Variants in PHACTR1 observed in about 807,000 individuals in gnomAD.
PHACTR1 encodes the protein phosphatase and actin regulator 1.
In PHACTR1, 16 loss-of-function variants were observed where a neutral mutation model predicts 69.2. That is an observed-to-expected ratio of 0.23 (90% CI 0.16 to 0.35). The LOEUF is 0.35. Among genes scored for constraint, PHACTR1 ranks in the 10% least tolerant of loss-of-function variants. The probability of loss-of-function intolerance (pLI) is 1.00; values close to 1 mark genes in which losing one functional copy is unlikely to be tolerated. For missense variants in PHACTR1, 510 were observed against 734.7 expected (o/e 0.69, Z 3.54); for synonymous variants, 312 against 284.5 (o/e 1.10, Z -0.97).
chr6:12,901,993 C>T lies in PHACTR1; in HGVS notation c.251-151372C>T, dbSNP rs569882248. 5.3e-4 allele frequency among the ~76,000 whole-genome samples: 80 copies of T among 152,216 alleles called. 1 individual carries two copies. In the South Asian group the frequency reaches 0.016, roughly 31 times the overall value. On this transcript the variant is annotated intron_variant, in intron 4 of 14. Coordinates refer to ENST00000332995, the MANE Select transcript of PHACTR1 (RefSeq NM_030948.6). ...TCTGGGACGTTTTTGGTTGTCATAA[C>T]TTGGGAGGGGCTGGAGAATGCTACT... is the stretch of plus-strand genomic sequence containing the variant.
chr6:12,794,939 G>A (rs762721168), intron 4 of PHACTR1, among the ~76,000 whole-genome samples: 9 of 152,090 alleles, frequency 5.9e-5, no homozygotes, highest in Non-Finnish European at 1.2e-4. Context: ...TCACTCTAGG[G>A]GGCTGTGAAG....
rs116063964 is a variant in PHACTR1 at position 13,009,029 on chromosome 6, G to A, written c.251-44336G>A. On this transcript the variant is annotated intron_variant, in intron 4 of 14. Transcript: ENST00000332995. ...TGTTCCTCCCCTTGCTCCAGCTTCT[G>A]GTGACTGTTGGCATTCCTGTGGCAG... 4.0e-3 allele frequency among the ~76,000 whole-genome samples: 614 copies of A among 152,242 alleles called. 7 individuals are homozygous for A. The highest frequency in any genetic ancestry group is 0.014 in the African/African-American group (597 of 41,540).
intron 4 of PHACTR1, among the ~76,000 whole-genome samples, chr6:12,768,338 T>C (rs910246891): frequency 1.3e-5 from 2 of 152,006 alleles, no homozygotes; most frequent in African/African-American, 4.8e-5. Context: ...ATGCTCTCAA[T>C]CTCCTGACCT....
At chr6:12,913,783 T>G (rs1786666682) in intron 4 of PHACTR1, among the ~76,000 whole-genome samples, 1 of 152,170 alleles carries the variant, frequency 6.6e-6, no homozygotes, top group Non-Finnish European at 1.5e-5. Context: ...ATATCCCAGG[T>G]GTTCCTGAAT....
chr6:13,179,405 CGTGTGTGTGTGTGTGTGT>C lies in PHACTR1; in HGVS notation c.497-3091_497-3074del, dbSNP rs4053019. Among the ~76,000 whole-genome samples, 4 of 142,056 alleles carry C rather than the reference CGTGTGTGTGTGTGTGTGT, an allele frequency of 2.8e-5. No homozygotes were observed. Among genetic ancestry groups the C allele is most frequent in the East Asian group, 4.1e-4 (2 of 4,910 alleles). 93.2% of individuals were successfully genotyped at this position (142,056 alleles called of 152,430 possible). On this transcript the variant is annotated intron_variant, in intron 6 of 14. Coordinates refer to ENST00000332995, the MANE Select transcript of PHACTR1 (RefSeq NM_030948.6). The surrounding 1 kb of genome is among the most constrained non-coding windows in gnomAD (Gnocchi z 4.2). ...TATACAGCCCATTACATTAATGTTT[CGTGTGTGTGTGTGTGTGT>C]GTGTGTGTGTGTGTGTGTGTGTTTA... is the stretch of plus-strand genomic sequence containing the variant.
At chr6:13,017,880 CA>C (rs1478405963) in intron 4 of PHACTR1, among the ~76,000 whole-genome samples, 1 of 152,098 alleles carries the variant, frequency 6.6e-6, no homozygotes, top group Admixed American at 6.5e-5. Context: ...GATTTAGAAA[CA>C]AGACGTATTG....
chr6:13,179,445 T>TGTGTGTGTGG lies in PHACTR1; in HGVS notation c.497-3074_497-3073insGTGTGTGTGG, dbSNP rs58571739. On this transcript the variant is annotated intron_variant, in intron 6 of 14. Transcript: ENST00000332995. The surrounding 1 kb of genome is among the most constrained non-coding windows in gnomAD (Gnocchi z 4.2). Reference sequence around the variant, plus strand: ...GTGTGTGTGTGTGTGTGTGTGTGTGTTTAAAAATGTCATAATAAAAAATTT... The same window carrying TGTGTGTGTGG: ...GTGTGTGTGTGTGTGTGTGTGTGTGTGTGTGTGTGGTTAAAAATGTCATAATAAAAAATTT... Among the ~76,000 whole-genome samples the TGTGTGTGTGG allele has an allele frequency of 6.7e-6, 1 of 148,284 alleles. No homozygotes were observed. The highest frequency in any genetic ancestry group is 6.7e-5 in the Admixed American group (1 of 14,878).
At chr6:12,929,071 G>A (rs1482077325) in intron 4 of PHACTR1, among the ~76,000 whole-genome samples, 1 of 152,142 alleles carries the variant, frequency 6.6e-6, no homozygotes, top group Non-Finnish European at 1.5e-5. Context: ...GCTCCATTTC[G>A]GAGTTCATGT....
At chr6:13,260,054 CA>C (rs1224927904) in intron 10 of PHACTR1, among the ~76,000 whole-genome samples, 1 of 152,168 alleles carries the variant, frequency 6.6e-6, no homozygotes, top group Admixed American at 6.5e-5. Flanking sequence ...GGCACAACTC[CA>C]GGGGCGAGAG....
chr6:13,003,951 C>CATATATA (rs1491113560), intron 4 of PHACTR1, among the ~76,000 whole-genome samples: 47 of 93,558 alleles, frequency 5.0e-4, no homozygotes, highest in African/African-American at 2.4e-3. Flanking sequence ...AGTAGTATTC[C>CATATATA]TATATATATA....
At chr6:13,284,579 TA>T (rs1781210638) in intron 13 of PHACTR1, among the ~76,000 whole-genome samples, 1 of 71,150 alleles carries the variant, frequency 1.4e-5, no homozygotes, top group Non-Finnish European at 2.3e-5. Context: ...TAGATACACG[TA>T]TATATATATA....
intron 6 of PHACTR1, among the ~76,000 whole-genome samples, chr6:13,166,079 T>C (rs1404095670): frequency 6.6e-6 from 1 of 152,228 alleles, no homozygotes; most frequent in Non-Finnish European, 1.5e-5. Context: ...TCAGCCCTGC[T>C]TCCTGGCCCT....
intron 4 of PHACTR1, among the ~76,000 whole-genome samples, chr6:12,981,654 G>T (rs544077935): frequency 2.0e-5 from 3 of 152,098 alleles, no homozygotes; most frequent in Non-Finnish European, 2.9e-5. Context: ...TCGCTGTCTT[G>T]ACTCATATTC....
intron 4 of PHACTR1, among the ~76,000 whole-genome samples, chr6:12,998,658 G>A (rs1203565266): frequency 1.3e-5 from 2 of 150,498 alleles, no homozygotes; most frequent in African/African-American, 2.4e-5. Flanking sequence ...CCAAGGCAGC[G>A]CAAAACATCA....
intron 6 of PHACTR1, among the ~76,000 whole-genome samples, chr6:13,171,313 C>G (rs1033163612): frequency 6.6e-6 from 1 of 152,196 alleles, no homozygotes; most frequent in Non-Finnish European, 1.5e-5. Flanking sequence ...GCTCATCCCC[C>G]ATCCCAGCAC....
At chr6:13,184,426 T>A (rs1275141851) in intron 7 of PHACTR1, among the ~76,000 whole-genome samples, 1 of 152,222 alleles carries the variant, frequency 6.6e-6, no homozygotes, top group Non-Finnish European at 1.5e-5. Flanking sequence ...TCCTGGGCCT[T>A]CTGCACTGGC....
At chr6:13,146,309 T>C (rs930897599) in intron 5 of PHACTR1, among the ~76,000 whole-genome samples, 8 of 152,206 alleles carry the variant, frequency 5.3e-5, no homozygotes, top group Non-Finnish European at 1.2e-4. Flanking sequence ...TCAGGCAAAA[T>C]ATTTGTCTGG....
intron 6 of PHACTR1, among the ~76,000 whole-genome samples, chr6:13,178,639 T>C (rs1034760874): frequency 1.3e-5 from 2 of 152,252 alleles, no homozygotes; most frequent in Non-Finnish European, 2.9e-5. Flanking sequence ...TCATCCTGCC[T>C]TCTTTCTTCC....
At chr6:13,046,049 A>C (rs971465040) in intron 4 of PHACTR1, among the ~76,000 whole-genome samples, 1 of 152,182 alleles carries the variant, frequency 6.6e-6, no homozygotes, top group Non-Finnish European at 1.5e-5. Flanking sequence ...TCTTGCAAGC[A>C]ATAAGATTGA....
Sources: allele counts gnomAD v4.1 joint callset (sites outside exome capture counted in the v4.1 genomes callset), GRCh38; gene constraint gnomAD v4.1.1; non-coding constraint Gnocchi (gnomAD v3.1); transcripts MANE v1.5; gene names NCBI Gene and HGNC (gene_info 2026-07-23, HGNC 2026-07-21).